Variants in GRIP2 observed in about 807,000 individuals in gnomAD.
The protein encoded by GRIP2 is glutamate receptor-interacting protein 2.
In GRIP2, 58 loss-of-function variants were observed where a neutral mutation model predicts 108.3. The observed-to-expected ratio is 0.54, with a 90% CI of 0.43 to 0.67. The LOEUF is 0.67. GRIP2 is among the 30% of genes least tolerant of loss of function. The pLI, the probability that GRIP2 is intolerant of heterozygous loss-of-function variation, is 0.00. For missense variants in GRIP2, 1,278 were observed against 1,430.6 expected (o/e 0.89, Z 1.72); for synonymous variants, 586 against 598.2 (o/e 0.98, Z 0.30).
chr3:14,523,005 G>T lies in GRIP2; in HGVS notation c.561C>A (p.Ala187=). The T allele has an allele frequency of 5.6e-6, 9 of 1,613,706 alleles. No homozygotes were observed. The highest frequency in any genetic ancestry group is 6.8e-6 in the Non-Finnish European group (8 of 1,179,728). The stretch of plus-strand genomic sequence containing the variant: ...TTTCTTCTGCCTCGGCTCACCTGTC[G>T]GCAGGGCCACCGGGCCGCACGTAGG... The part of the protein sequence containing the change: ...VLTYVRPGGP[A]DREGSLKVGD... Residue 187 remains alanine (A), a synonymous_variant, in exon 6 of 24, where the codon GCC becomes GCA. Transcript: ENST00000621039.
the GRIP2 span, among the ~76,000 whole-genome samples, chr3:14,565,346 A>C: frequency 6.6e-6 from 1 of 152,150 alleles, no homozygotes; most frequent in African/African-American, 2.4e-5. Flanking sequence ...CTTGAACTCA[A>C]GTGCTGGGCT....
At chr3:14,514,702 G>C (rs983138778) in intron 11 of GRIP2, among the ~76,000 whole-genome samples, 5 of 152,228 alleles carry the variant, frequency 3.3e-5, no homozygotes, top group Admixed American at 1.3e-4. Context: ...GCAAGGACTA[G>C]GGAAGACAGT....
the GRIP2 span, chr3:14,574,487 A>G: frequency 1.4e-6 from 1 of 717,020 alleles, no homozygotes; most frequent in South Asian, 1.5e-5. Flanking sequence ...GCTCAAGCTC[A>G]CTGCGGTCCA....
chr3:14,565,256 G>A, the GRIP2 span, among the ~76,000 whole-genome samples: 3 of 152,190 alleles, frequency 2.0e-5, no homozygotes, highest in African/African-American at 7.2e-5. Flanking sequence ...AGGGGTTCTT[G>A]TCCCCTCTGG....
chr3:14,523,287 G>C, intron 5 of GRIP2: 1 of 586,684 alleles, frequency 1.7e-6, no homozygotes, highest in South Asian at 2.3e-5. Context: ...TCTTCTCTCT[G>C]TTAAATGGCT....
At chr3:14,540,754 A>T (rs1396888026), upstream of GRIP2, among the ~76,000 whole-genome samples, 1 of 152,106 alleles carries the variant, frequency 6.6e-6, no homozygotes, top group Non-Finnish European at 1.5e-5. The surrounding 1 kb of genome is among the most constrained non-coding windows in gnomAD (Gnocchi z 4.1). Context: ...ACCCCAGGAC[A>T]TAAGCTAGAT....
the GRIP2 span, among the ~76,000 whole-genome samples, chr3:14,586,965 G>A: frequency 6.6e-6 from 1 of 152,194 alleles, no homozygotes; most frequent in African/African-American, 2.4e-5. Flanking sequence ...AAAAATAAAT[G>A]ATAGATAAAA....
the GRIP2 span, among the ~76,000 whole-genome samples, chr3:14,586,515 G>A: frequency 1.1e-4 from 16 of 152,314 alleles, no homozygotes; most frequent in South Asian, 2.1e-4. Flanking sequence ...GCCCTCCCCC[G>A]GAGGCTGGTT....
chr3:14,580,404 G>A, the GRIP2 span, among the ~76,000 whole-genome samples: 1 of 152,178 alleles, frequency 6.6e-6, no homozygotes, highest in Non-Finnish European at 1.5e-5. Context: ...GCATCAACTT[G>A]GCCAGGCTGG....
intron 1 of GRIP2, among the ~76,000 whole-genome samples, chr3:14,555,570 G>T (rs1575038289): frequency 1.1e-5 from 1 of 92,018 alleles, no homozygotes; most frequent in Non-Finnish European, 2.6e-5. Context: ...GACAGACACA[G>T]AGAGACCCAG....
In GRIP2 at chr3:14,496,487, C is replaced by T. The variant is rs757313253; in HGVS notation, c.2753G>A (p.Gly918Asp). 1.2e-6 allele frequency: 2 copies of T among 1,611,994 alleles called. No individual in the cohort carries two copies. The highest frequency in any genetic ancestry group is 1.3e-5 in the African/African-American group (1 of 74,910). Residue 918 changes from glycine to aspartate, a missense_variant, in exon 22 of 24, where the codon GGC becomes GAC. Physicochemically the swap from Gly to Asp is moderately conservative, Grantham distance 94 (BLOSUM62 -1). Coordinates refer to ENST00000621039, the MANE Select transcript of GRIP2 (RefSeq NM_001080423.4). Reference sequence around the variant, plus strand: ...TGCAGGAGAGGCTCGTACCTCCCGGCCCCTCTGCCAAGGCCGGTGGCCAGG... The same window carrying T: ...TGCAGGAGAGGCTCGTACCTCCCGGTCCCTCTGCCAAGGCCGGTGGCCAGG... ...GRPGHRPWQR[G>D]REVRASPAEM...
chr3:14,580,744 C>T, the GRIP2 span, among the ~76,000 whole-genome samples: 1 of 152,258 alleles, frequency 6.6e-6, no homozygotes, highest in Non-Finnish European at 1.5e-5. Context: ...ACCCACTTGA[C>T]CAGGCTTTAG....
chr3:14,512,763 G>A lies in GRIP2; in HGVS notation c.1720+14C>T, dbSNP rs12106984. The A allele has an allele frequency of 0.048, 76,663 of 1,610,070 alleles. 2,338 individuals carry two copies. Among genetic ancestry groups the A allele is most frequent in the East Asian group, 0.16 (7,100 of 44,816 alleles). On this transcript the variant is annotated intron_variant, in intron 14 of 23. Coordinates refer to ENST00000621039, the MANE Select transcript of GRIP2 (RefSeq NM_001080423.4). This position sits in a 1 kb window ranked among gnomAD's most constrained non-coding sequence, Gnocchi z 5.1. Reference sequence around the variant, plus strand: ...CTCGCTCCCAGGGGCAAACAGCAGCGGGAGGAGACTCACAGCTGATGGTGA... The same window carrying A: ...CTCGCTCCCAGGGGCAAACAGCAGCAGGAGGAGACTCACAGCTGATGGTGA...
In GRIP2 at chr3:14,514,453, C is replaced by A; in HGVS notation, c.1332G>T (p.Gly444=). The A allele has an allele frequency of 6.3e-7, 1 of 1,576,758 alleles. No individual in the cohort carries two copies. Among genetic ancestry groups the A allele is most frequent in the South Asian group, 1.2e-5 (1 of 85,804 alleles). The stretch of plus-strand genomic sequence containing the variant: ...CCGTGTGCACAATCTGCCCGCCCGG[C>A]CCCACCGTGCTGGAGGCTAGCGACA... The part of the protein sequence containing the change: ...SSLSLASSTV[G]PGGQIVHTET... Residue 444 remains glycine, a synonymous_variant, in exon 12 of 24, where the codon GGG becomes GGT. Transcript: ENST00000621039.
chr3:14,505,443 C>T lies in GRIP2; in HGVS notation c.2573+172G>A, dbSNP rs942105383. 1.3e-5 allele frequency among the ~76,000 whole-genome samples: 2 copies of T among 152,182 alleles called. No individual in the cohort carries two copies. The highest frequency in any genetic ancestry group is 2.9e-5 in the Non-Finnish European group (2 of 68,010). On this transcript the variant is annotated intron_variant, in intron 20 of 23. Transcript: ENST00000621039. This position sits in a 1 kb window ranked among gnomAD's most constrained non-coding sequence, Gnocchi z 4.2. The stretch of plus-strand genomic sequence containing the variant: ...CCCTCCACCAGTCTGCCCTTCCCTC[C>T]GTCTCAGCCTGGCTGAGGTGGCTCT...
At position 14,505,999 on chromosome 3, in the gene GRIP2, T is replaced by C. The variant is rs113933876; in HGVS notation, c.2399-210A>G. 1.4e-4 allele frequency among the ~76,000 whole-genome samples: 21 copies of C among 152,254 alleles called. No homozygotes were observed. The highest frequency in any genetic ancestry group is 4.6e-4 in the African/African-American group (19 of 41,550). On this transcript the variant is annotated intron_variant, in intron 19 of 23. Transcript: ENST00000621039. The surrounding 1 kb of genome is among the most constrained non-coding windows in gnomAD (Gnocchi z 4.2). ...TAATGCCTGGGGCTCTGCGACTCTG[T>C]CTCAACTCCATCGGCCTGGGCTTGG...
At chr3:14,537,761 A>T (rs1386644219) in intron 1 of GRIP2, among the ~76,000 whole-genome samples, 1 of 152,220 alleles carries the variant, frequency 6.6e-6, no homozygotes, top group Non-Finnish European at 1.5e-5. Flanking sequence ...CCCAGGGCAC[A>T]GCAGGGGGAC....
At chr3:14,600,520 T>C in the GRIP2 span, among the ~76,000 whole-genome samples, 1 of 152,200 alleles carries the variant, frequency 6.6e-6, no homozygotes, top group Non-Finnish European at 1.5e-5. Flanking sequence ...TTATACAACG[T>C]GTAGGCAGAT....
the GRIP2 span, among the ~76,000 whole-genome samples, chr3:14,590,592 C>T: frequency 5.3e-5 from 8 of 152,172 alleles, no homozygotes; most frequent in Middle Eastern, 3.2e-3. Flanking sequence ...ATAGCAAGGA[C>T]GGTCATTTCA....
Sources: gnomAD v4.1 joint callset for allele counts (sites outside exome capture counted in the v4.1 genomes callset) on GRCh38, gnomAD v4.1.1 for gene constraint, Gnocchi (gnomAD v3.1) non-coding constraint, MANE v1.5 for transcripts, NCBI Gene and HGNC (gene_info 2026-07-23, HGNC 2026-07-21) for gene names.